Variants in EPHA4 observed in about 807,000 individuals in gnomAD.
EPHA4 encodes the protein ephrin type-A receptor 4.
EPHA4 carries 19 observed loss-of-function variants against 108.3 expected under a neutral mutation model. That is an observed-to-expected ratio of 0.18 (90% CI 0.12 to 0.26). The LOEUF (loss-of-function observed/expected upper bound fraction) is 0.26. Ranked by LOEUF, EPHA4 falls within the 10% of genes least tolerant of loss-of-function variation. EPHA4 has a pLI of 1.00. For synonymous variants in EPHA4, 449 were observed against 455.5 expected (o/e 0.99, Z 0.18); for missense variants, 917 against 1,254.0 (o/e 0.73, Z 4.06).
At chr2:221,437,389 G>A (rs1574561983) in intron 11 of EPHA4, 1 of 328,614 alleles carries the variant, frequency 3.0e-6, no homozygotes, top group East Asian at 5.0e-5. Flanking sequence ...TATCCAGGGA[G>A]CATATGAATG....
At chr2:221,432,818 ATTTTTTT>A (rs34200694) in intron 14 of EPHA4, among the ~76,000 whole-genome samples, 6 of 89,110 alleles carry the variant, frequency 6.7e-5, no homozygotes, top group East Asian at 6.9e-4. Flanking sequence ...AAATCTTTGT[ATTTTTTT>A]TTTTTTTTTT....
At chr2:221,482,998 C>T (rs1216328157) in intron 4 of EPHA4, among the ~76,000 whole-genome samples, 1 of 152,200 alleles carries the variant, frequency 6.6e-6, no homozygotes, top group Non-Finnish European at 1.5e-5. Flanking sequence ...AGAAAAATAT[C>T]ATAATTTATC....
chr2:221,514,100 GT>G (rs1559274297), intron 3 of EPHA4, among the ~76,000 whole-genome samples: 5 of 150,596 alleles, frequency 3.3e-5, no homozygotes, highest in South Asian at 2.1e-4. Flanking sequence ...GGGGGAGGGG[GT>G]TTGAAAATCT....
chr2:221,486,453 G>A (rs775639385), intron 4 of EPHA4, among the ~76,000 whole-genome samples: 3 of 152,152 alleles, frequency 2.0e-5, no homozygotes, highest in South Asian at 2.1e-4. Context: ...TGTCTTGGCC[G>A]GGCACAGTGG....
At chr2:221,508,308 G>T (rs572228946) in intron 3 of EPHA4, among the ~76,000 whole-genome samples, 2 of 152,154 alleles carry the variant, frequency 1.3e-5, no homozygotes, top group Non-Finnish European at 2.9e-5. Flanking sequence ...GCCGGGCGTG[G>T]TGGCTCACGC....
intron 5 of EPHA4, among the ~76,000 whole-genome samples, chr2:221,466,691 T>C (rs554634917): frequency 6.6e-5 from 10 of 152,322 alleles, no homozygotes; most frequent in Admixed American, 2.6e-4. Flanking sequence ...ACTTAATTCA[T>C]GTAAACCTCA....
At chr2:221,457,579 T>C (rs921620287) in intron 6 of EPHA4, among the ~76,000 whole-genome samples, 1 of 152,240 alleles carries the variant, frequency 6.6e-6, no homozygotes, top group Admixed American at 6.5e-5. Context: ...ATTATCATTA[T>C]TGTTATTTTC....
In EPHA4 at chr2:221,560,274, T is replaced by C. The variant is rs192785774; in HGVS notation, c.823+3457A>G. 3.2e-3 allele frequency among the ~76,000 whole-genome samples: 480 copies of C among 152,236 alleles called. 2 individuals carry two copies. The highest frequency in any genetic ancestry group is 0.011 in the African/African-American group (445 of 41,544). ...CACAGTAGAACCATTGAAAAGACAA[T>C]TGGGGAGGAAACTGCTGCCAGAGTT... On this transcript the variant is annotated intron_variant, in intron 3 of 17. Coordinates refer to ENST00000281821, the MANE Select transcript of EPHA4 (RefSeq NM_004438.5).
intron 3 of EPHA4, among the ~76,000 whole-genome samples, chr2:221,541,568 A>G (rs933543434): frequency 6.6e-6 from 1 of 152,202 alleles, no homozygotes; most frequent in African/African-American, 2.4e-5. Flanking sequence ...GTGGGCCAAT[A>G]AAGTGTGTGG....
intron 3 of EPHA4, among the ~76,000 whole-genome samples, chr2:221,537,035 A>C (rs1271108863): frequency 6.6e-6 from 1 of 152,252 alleles, no homozygotes; most frequent in Non-Finnish European, 1.5e-5. Context: ...AGAGAGAGAG[A>C]GAAATCTCTA....
At chr2:221,568,896 C>G in intron 1 of EPHA4, 111 bp from the exon 2 acceptor site, 2 of 715,322 alleles carry the variant, frequency 2.8e-6, no homozygotes, top group Non-Finnish European at 2.2e-6. Context: ...ATATCCAACA[C>G]TGATCAAAAC....
intron 3 of EPHA4, among the ~76,000 whole-genome samples, chr2:221,562,727 A>C (rs1326488063): frequency 6.6e-6 from 1 of 152,226 alleles, no homozygotes; most frequent in African/African-American, 2.4e-5. Flanking sequence ...AGCAAGACAA[A>C]AACTTGGAAT....
rs186105094 is a variant in EPHA4 at position 221,541,072 on chromosome 2, G to A, written c.823+22659C>T. 9.9e-5 allele frequency among the ~76,000 whole-genome samples: 15 copies of A among 151,540 alleles called. No individual in the cohort carries two copies. The Admixed American group carries it at 9.9e-4, about 10-fold the overall frequency. Reference sequence around the variant, plus strand: ...GGTGAGCCTCCCGCCTCAGCCTCCTGAGTAGCTGGGACCACAGGTATGCAC... The same window carrying A: ...GGTGAGCCTCCCGCCTCAGCCTCCTAAGTAGCTGGGACCACAGGTATGCAC... On this transcript the variant is annotated intron_variant, in intron 3 of 17. Transcript: ENST00000281821.
In EPHA4 at chr2:221,424,050, G is replaced by A. The variant is rs111430879; in HGVS notation, c.*819+1159C>T. Among the ~76,000 whole-genome samples the A allele has an allele frequency of 1.3e-3, 204 of 152,076 alleles. 3 individuals are homozygous for A. Among genetic ancestry groups the A allele is most frequent in the African/African-American group, 4.7e-3 (194 of 41,500 alleles). On this transcript the variant is annotated intron_variant, in intron 17 of 17. Transcript: ENST00000281821. ...AATTGCTTGAGCCCAGGAGGCCAAG[G>A]TTGCAGTGAGCCAAGATTGCACCAC... is the stretch of plus-strand genomic sequence containing the variant.
In EPHA4 at chr2:221,566,969, G is replaced by GAAGAAGAA. The variant is rs1553595985; in HGVS notation, c.159+1748_159+1749insTTCTTCTT. On this transcript the variant is annotated intron_variant, in intron 2 of 17. Coordinates refer to ENST00000281821, the MANE Select transcript of EPHA4 (RefSeq NM_004438.5). ...GAGAAGGAGAAGGGGAAGAGGAAGA[G>GAAGAAGAA]GAAGAAGAAGAAGAAGAAGAAGAAG... is the stretch of plus-strand genomic sequence containing the variant. Among the ~76,000 whole-genome samples, 67 of 27,642 alleles carry GAAGAAGAA rather than the reference G, an allele frequency of 2.4e-3. 25 individuals are homozygous for GAAGAAGAA. The highest frequency in any genetic ancestry group is 7.9e-3 in the African/African-American group (41 of 5,194). 18.1% of individuals were successfully genotyped at this position (27,642 alleles called of 152,430 possible). A position where few individuals can be genotyped will look rare whatever the true frequency, so the allele number is the denominator to read the frequency against.
At chr2:221,477,326 A>G (rs1436018557) in intron 5 of EPHA4, among the ~76,000 whole-genome samples, 2 of 152,226 alleles carry the variant, frequency 1.3e-5, no homozygotes, top group African/African-American at 2.4e-5. Context: ...CCACATGGCT[A>G]TGGAACCCTG....
At chr2:221,466,458 G>A (rs1488576187) in intron 5 of EPHA4, among the ~76,000 whole-genome samples, 4 of 152,170 alleles carry the variant, frequency 2.6e-5, no homozygotes, top group Non-Finnish European at 5.9e-5. Context: ...ACTCTCTGAA[G>A]TAGTTATAAT....
intron 5 of EPHA4, among the ~76,000 whole-genome samples, chr2:221,462,359 C>T (rs1468900330): frequency 1.3e-5 from 2 of 151,812 alleles, no homozygotes; most frequent in Non-Finnish European, 2.9e-5. Context: ...GTCTAAGGTG[C>T]CTATCCCCGA....
Position 221,426,109 on chromosome 2 carries a change from C to T in EPHA4, c.2880G>A (p.Thr960=), listed in dbSNP as rs35860178. The change falls in exon 17 of 18, where the codon ACG becomes ACA. Residue 960 remains threonine, a synonymous_variant. Transcript: ENST00000281821. ...CACTGCTCAAAATCTTATTCTGGTG[C>T]GTGATGGCTGTGATACCAATTCTTG... is the stretch of plus-strand genomic sequence containing the variant. The part of the protein sequence containing the change: ...DLARIGITAI[T]HQNKILSSVQ... The T allele has an allele frequency of 0.094, 151,935 of 1,613,664 alleles. 8,029 individuals are homozygous for T. Among genetic ancestry groups the T allele is most frequent in the Middle Eastern group, 0.18 (1,103 of 6,062 alleles).
Sources: gnomAD v4.1 joint callset for allele counts (sites outside exome capture counted in the v4.1 genomes callset) on GRCh38, gnomAD v4.1.1 for gene constraint, MANE v1.5 for transcripts, NCBI Gene and HGNC (gene_info 2026-07-23, HGNC 2026-07-21) for gene names.